The following RBMS3 variants were observed in gnomAD, a reference collection of about 807,000 sequenced individuals.
The protein encoded by RBMS3 is RNA binding motif single stranded interacting protein 3.
A neutral mutation model predicts 66.8 loss-of-function variants in RBMS3; 27 were observed. The observed-to-expected ratio is 0.40, with a 90% CI of 0.30 to 0.56. The LOEUF is 0.56. Ranked by LOEUF, RBMS3 falls within the 20% of genes least tolerant of loss-of-function variation. RBMS3 has a pLI of 0.40. For synonymous variants in RBMS3, 188 were observed against 183.0 expected (o/e 1.03, Z -0.22); for missense variants, 513 against 549.5 (o/e 0.93, Z 0.66).
intron 3 of RBMS3, among the ~76,000 whole-genome samples, chr3:29,561,840 T>C (rs1278904527): frequency 1.3e-5 from 2 of 152,206 alleles, no homozygotes; most frequent in Non-Finnish European, 2.9e-5. Flanking sequence ...ATTGAGCTTT[T>C]TGCATGTGAT....
At chr3:29,698,296 G>C (rs1335711451) in intron 4 of RBMS3, 1 of 985,402 alleles carries the variant, frequency 1.0e-6, no homozygotes, top group Non-Finnish European at 1.2e-6. Context: ...CCTGGTGAGG[G>C]AGGCAAACAG....
chr3:29,853,136 C>A (rs980931187), intron 6 of RBMS3, among the ~76,000 whole-genome samples: 3 of 152,018 alleles, frequency 2.0e-5, no homozygotes. Flanking sequence ...TAGAGAGGAA[C>A]AACACACTGT....
intron 1 of RBMS3, among the ~76,000 whole-genome samples, chr3:29,421,314 T>G (rs59411487): frequency 0.19 from 28,278 of 152,106 alleles, 2,825 homozygotes; most frequent in African/African-American, 0.26. Context: ...CTAGAGCATC[T>G]ATCTTATGAC....
At chr3:29,502,684 T>C (rs1471416657) in intron 3 of RBMS3, among the ~76,000 whole-genome samples, 4 of 152,178 alleles carry the variant, frequency 2.6e-5, no homozygotes, top group Non-Finnish European at 5.9e-5. Flanking sequence ...TTTTTTATAT[T>C]TTGAGAATGG....
chr3:29,770,030 G>T (rs994251734), intron 6 of RBMS3, among the ~76,000 whole-genome samples: 2 of 151,850 alleles, frequency 1.3e-5, no homozygotes, highest in African/African-American at 4.8e-5. Context: ...GCTTTTCAAG[G>T]TGTATACTGA....
At chr3:29,397,082 G>A (rs1367543780) in intron 1 of RBMS3, among the ~76,000 whole-genome samples, 1 of 152,124 alleles carries the variant, frequency 6.6e-6, no homozygotes, top group Non-Finnish European at 1.5e-5. Context: ...CCTCGTATGT[G>A]TTAGGAACAT....
intron 6 of RBMS3, among the ~76,000 whole-genome samples, chr3:29,786,257 T>A (rs1215831331): frequency 6.6e-6 from 1 of 152,064 alleles, no homozygotes; most frequent in African/African-American, 2.4e-5. Flanking sequence ...AAAATGACCA[T>A]ACTGCCAAAG....
At chr3:29,494,657 A>G (rs2043672467) in intron 3 of RBMS3, among the ~76,000 whole-genome samples, 1 of 152,136 alleles carries the variant, frequency 6.6e-6, no homozygotes, top group Non-Finnish European at 1.5e-5. Flanking sequence ...TTCCTTCTGG[A>G]TCAGTGTATT....
At chr3:29,560,558 C>T (rs1397627267) in intron 3 of RBMS3, among the ~76,000 whole-genome samples, 2 of 152,296 alleles carry the variant, frequency 1.3e-5, no homozygotes, top group African/African-American at 2.4e-5. Context: ...GTTATTTTCA[C>T]GTAAGGGTTG....
At chr3:29,463,790 C>T (rs564859733) in intron 2 of RBMS3, among the ~76,000 whole-genome samples, 1 of 152,180 alleles carries the variant, frequency 6.6e-6, no homozygotes, top group Middle Eastern at 3.4e-3. Context: ...CTGTTTCTTC[C>T]TTCTTTACCC....
At chr3:29,992,780 G>T (rs1698971174) in intron 14 of RBMS3, among the ~76,000 whole-genome samples, 1 of 152,158 alleles carries the variant, frequency 6.6e-6, no homozygotes, top group Non-Finnish European at 1.5e-5. Flanking sequence ...GCAGATCAAG[G>T]AATGATAAGA....
intron 6 of RBMS3, among the ~76,000 whole-genome samples, chr3:29,854,826 C>T (rs1442683753): frequency 6.6e-6 from 1 of 152,132 alleles, no homozygotes; most frequent in South Asian, 2.1e-4. Flanking sequence ...AAAAAGAAAG[C>T]TCTCCTTCTT....
intron 12 of RBMS3, among the ~76,000 whole-genome samples, chr3:29,984,780 G>A (rs528811816): frequency 2.0e-5 from 3 of 152,232 alleles, no homozygotes; most frequent in African/African-American, 7.2e-5. Context: ...TCCTTCCTCT[G>A]GAAGCTTCGT....
At chr3:29,879,542 T>C (rs1419796013) in intron 7 of RBMS3, among the ~76,000 whole-genome samples, 1 of 152,200 alleles carries the variant, frequency 6.6e-6, no homozygotes, top group Non-Finnish European at 1.5e-5. Flanking sequence ...AATAAAATAT[T>C]CAACATTTTC....
At chr3:29,850,355 A>T (rs1291921916) in intron 6 of RBMS3, among the ~76,000 whole-genome samples, 1 of 152,190 alleles carries the variant, frequency 6.6e-6, no homozygotes, top group Admixed American at 6.5e-5. Context: ...GGCCATCTTT[A>T]TTGAGGTTAC....
At chr3:29,564,741 A>G (rs1361177111) in intron 3 of RBMS3, among the ~76,000 whole-genome samples, 3 of 152,134 alleles carry the variant, frequency 2.0e-5, no homozygotes, top group Non-Finnish European at 4.4e-5. Flanking sequence ...GTGGGAGAAG[A>G]GTTGGAATAT....
intron 1 of RBMS3, among the ~76,000 whole-genome samples, chr3:29,408,274 A>G: frequency 7.4e-6 from 1 of 135,894 alleles, no homozygotes; most frequent in South Asian, 2.3e-4. Flanking sequence ...TCCATCTCAA[A>G]AAAAAAAAAA....
intron 10 of RBMS3, among the ~76,000 whole-genome samples, chr3:29,904,655 A>G (rs1244037204): frequency 1.3e-5 from 2 of 152,022 alleles, no homozygotes; most frequent in African/African-American, 2.4e-5. Context: ...TTTGATATAC[A>G]TTATTTTCAA....
intron 4 of RBMS3, among the ~76,000 whole-genome samples, chr3:29,644,406 G>C (rs1027811637): frequency 1.3e-5 from 2 of 152,128 alleles, no homozygotes; most frequent in African/African-American, 4.8e-5. Flanking sequence ...TGCATAGTTT[G>C]GGTGTGCCTC....
Sources: allele counts gnomAD v4.1 joint callset (sites outside exome capture counted in the v4.1 genomes callset), GRCh38; gene constraint gnomAD v4.1.1; transcripts MANE v1.5; gene names NCBI Gene and HGNC (gene_info 2026-07-23, HGNC 2026-07-21).